Variants in LUZP2 observed in about 807,000 individuals in gnomAD.
LUZP2 encodes leucine zipper protein 2.
In LUZP2, 52 loss-of-function variants were observed where a neutral mutation model predicts 51.6. The ratio of observed to expected loss-of-function variants is 1.01; its 90% confidence interval spans 0.81 to 1.27. The LOEUF is 1.27. Among genes scored for constraint, LUZP2 ranks in the 50% most tolerant of loss-of-function variants. The pLI is 0.00. For synonymous variants in LUZP2, 154 were observed against 137.3 expected, an observed-to-expected ratio of 1.12 and a Z score of -0.85; for missense variants, 436 against 395.4, an observed-to-expected ratio of 1.10 and a Z score of -0.87.
chr11:25,009,156 A>C (rs1178554111), intron 9 of LUZP2, among the ~76,000 whole-genome samples: 1 of 152,198 alleles, frequency 6.6e-6, no homozygotes, highest in Non-Finnish European at 1.5e-5. Context: ...ACATTCCAAC[A>C]ATTTTGAGGA....
intron 9 of LUZP2, among the ~76,000 whole-genome samples, chr11:25,027,367 T>C (rs1857522324): frequency 6.6e-6 from 1 of 152,302 alleles, no homozygotes; most frequent in African/African-American, 2.4e-5. Context: ...ATATGTGTCA[T>C]CATTTACATT....
At chr11:24,515,315 T>C (rs537190026) in intron 1 of LUZP2, among the ~76,000 whole-genome samples, 2 of 152,246 alleles carry the variant, frequency 1.3e-5, no homozygotes, top group Non-Finnish European at 2.9e-5. Flanking sequence ...AGAAGTTTAG[T>C]CTACTGAGCT....
chr11:25,035,559 C>A (rs1198241529), intron 9 of LUZP2, among the ~76,000 whole-genome samples: 4 of 151,970 alleles, frequency 2.6e-5, no homozygotes, highest in African/African-American at 9.7e-5. Flanking sequence ...AATTGAAAAA[C>A]CTTCCATGCT....
Position 24,951,314 on chromosome 11 carries a change from C to CA in LUZP2, c.523-25274dup, listed in dbSNP as rs954173448. Among the ~76,000 whole-genome samples the CA allele has an allele frequency of 5.3e-5, 8 of 151,554 alleles. No homozygotes were observed. The South Asian group carries it at 1.5e-3, about 28-fold the overall frequency. On this transcript the variant is annotated intron_variant, in intron 7 of 11. Coordinates refer to ENST00000336930, the MANE Select transcript of LUZP2 (RefSeq NM_001009909.4). ...TATTTATTACTGCAGATAATACACT[C>CA]AAATGTCAGCACAATTCTTGGCATA...
rs189509672 is a variant in LUZP2 at position 24,538,405 on chromosome 11, G to C, written c.62+41100G>C. 1.3e-3 allele frequency among the ~76,000 whole-genome samples: 195 copies of C among 151,764 alleles called. 1 individual carries two copies. The highest frequency in any genetic ancestry group is 2.4e-3 in the Non-Finnish European group (163 of 67,772). On this transcript the variant is annotated intron_variant, in intron 1 of 11. Transcript: ENST00000336930. ...CTTCATGACCTTGGATTAGGTACTG[G>C]TTTCTTAGGACATAAAAAGCATAAG...
At chr11:24,827,585 A>G (rs1475580820) in intron 5 of LUZP2, among the ~76,000 whole-genome samples, 3 of 152,112 alleles carry the variant, frequency 2.0e-5, no homozygotes, top group Non-Finnish European at 4.4e-5. Flanking sequence ...TTTAGGTGAA[A>G]AGAATTATAG....
At chr11:24,569,011 GACAAA>G (rs56804691) in intron 1 of LUZP2, among the ~76,000 whole-genome samples, 6,474 of 151,756 alleles carry the variant, frequency 0.043, 419 homozygotes, top group African/African-American at 0.15. Flanking sequence ...GTTTTAAAAA[GACAAA>G]ACAAAACAGA....
At chr11:24,899,823 G>T (rs2133776631) in intron 5 of LUZP2, among the ~76,000 whole-genome samples, 1 of 152,190 alleles carries the variant, frequency 6.6e-6, no homozygotes, top group African/African-American at 2.4e-5. Flanking sequence ...AGACTTAAAG[G>T]AATAGACAAA....
At chr11:24,923,981 CTCTT>C (rs987611587) in intron 7 of LUZP2, among the ~76,000 whole-genome samples, 51 of 152,242 alleles carry the variant, frequency 3.3e-4, no homozygotes, top group Non-Finnish European at 6.5e-4. Flanking sequence ...ATTCTACCCT[CTCTT>C]TCTTCGTTTA....
chr11:24,885,900 CCTAT>C (rs1275412058), intron 5 of LUZP2, among the ~76,000 whole-genome samples: 1 of 152,046 alleles, frequency 6.6e-6, no homozygotes, highest in African/African-American at 2.4e-5. Context: ...TATTCTATTC[CCTAT>C]CTGAGATAAC....
chr11:24,667,714 C>T (rs1178060748), intron 1 of LUZP2, among the ~76,000 whole-genome samples: 2 of 152,022 alleles, frequency 1.3e-5, no homozygotes, highest in African/African-American at 4.8e-5. Context: ...GATAAATAGG[C>T]TTAGTCAAAA....
chr11:24,804,403 G>T (rs1373639575), intron 5 of LUZP2, among the ~76,000 whole-genome samples: 1 of 151,984 alleles, frequency 6.6e-6, no homozygotes, highest in Non-Finnish European at 1.5e-5. Flanking sequence ...TATAATAAAA[G>T]ACATATTAAC....
chr11:24,910,429 G>T (rs1853590016), intron 6 of LUZP2, among the ~76,000 whole-genome samples: 1 of 152,144 alleles, frequency 6.6e-6, no homozygotes. Flanking sequence ...GGGAAAAATG[G>T]TGTCATGGGC....
At chr11:24,962,389 CT>C (rs1370925348) in intron 7 of LUZP2, among the ~76,000 whole-genome samples, 2 of 152,222 alleles carry the variant, frequency 1.3e-5, no homozygotes, top group African/African-American at 4.8e-5. Context: ...CTCCCCATCA[CT>C]TTCAGGTACA....
intron 7 of LUZP2, among the ~76,000 whole-genome samples, chr11:24,928,572 A>G (rs1467773209): frequency 6.6e-6 from 1 of 152,076 alleles, no homozygotes; most frequent in Non-Finnish European, 1.5e-5. Context: ...CATCCCTGGT[A>G]TGAAACCCAG....
chr11:24,659,930 T>TTA (rs1855960934), intron 1 of LUZP2, among the ~76,000 whole-genome samples: 1 of 152,092 alleles, frequency 6.6e-6, no homozygotes, highest in African/African-American at 2.4e-5. Flanking sequence ...TTAGATTAGA[T>TTA]GGCAAAGGTG....
At chr11:24,648,679 C>G (rs1350915465) in intron 1 of LUZP2, among the ~76,000 whole-genome samples, 3 of 151,824 alleles carry the variant, frequency 2.0e-5, no homozygotes, top group Non-Finnish European at 2.9e-5. Flanking sequence ...GGCTGTGAAT[C>G]AGAATGGAGT....
At chr11:24,878,823 A>G (rs1211187416) in intron 5 of LUZP2, among the ~76,000 whole-genome samples, 1 of 151,206 alleles carries the variant, frequency 6.6e-6, no homozygotes, top group Admixed American at 6.6e-5. Flanking sequence ...CCATCTGTCC[A>G]TGTGTTCTCA....
At chr11:25,040,362 T>A (rs1858017620) in intron 9 of LUZP2, among the ~76,000 whole-genome samples, 2 of 123,548 alleles carry the variant, frequency 1.6e-5, no homozygotes, top group African/African-American at 5.4e-5. Context: ...TTTTTTTTTT[T>A]TGCCAATAGC....
Sources: allele counts gnomAD v4.1 joint callset (sites outside exome capture counted in the v4.1 genomes callset), GRCh38; gene constraint gnomAD v4.1.1; transcripts MANE v1.5; gene names NCBI Gene and HGNC (gene_info 2026-07-23, HGNC 2026-07-21).